The following USP4 variants were observed in gnomAD, a reference collection of about 807,000 sequenced individuals.
USP4 encodes the protein ubiquitin carboxyl-terminal hydrolase 4.
A neutral mutation model predicts 118.2 loss-of-function variants in USP4; 72 were observed. The observed-to-expected ratio is 0.61, with a 90% CI of 0.50 to 0.74. USP4 has a LOEUF of 0.74. USP4 is among the 30% of genes least tolerant of loss of function. The pLI, the probability that USP4 is intolerant of heterozygous loss-of-function variation, is 0.00. For synonymous variants in USP4, 415 were observed against 440.4 expected, an observed-to-expected ratio of 0.94 and a Z score of 0.72; for missense variants, 1,037 against 1,185.7, an observed-to-expected ratio of 0.87 and a Z score of 1.84.
At chr3:49,289,683 C>G (rs1038221560) in intron 15 of USP4, among the ~76,000 whole-genome samples, 16 of 151,526 alleles carry the variant, frequency 1.1e-4, no homozygotes, top group Non-Finnish European at 5.9e-5. Context: ...CCAGCCTGGC[C>G]AAGATGGTGA....
At position 49,302,325 on chromosome 3, in the gene USP4, C is replaced by T. The variant is rs563172425; in HGVS notation, c.1287+59G>A. On this transcript the variant is annotated intron_variant, in intron 10 of 21. Transcript: ENST00000265560. The stretch of plus-strand genomic sequence containing the variant: ...CAAAGACCAGAAGAATATCCCTGCA[C>T]TCTCAATAGGAGGCAGCTTCTTTGG... 13 of 1,579,776 alleles carry T rather than the reference C, an allele frequency of 8.2e-6. No individual in the cohort carries two copies. The South Asian group carries it at 1.4e-4, about 17-fold the overall frequency.
In USP4 at chr3:49,300,694, G is replaced by T. The variant is rs1207020404; in HGVS notation, c.1288-3C>A. ...TCCCAGGCTTCCTTTGCCACCACCT[G>T]CGTCAAAGGGATAAACAGGACATTC... On this transcript the variant is annotated splice_polypyrimidine_tract_variant and splice_region_variant and intron_variant, in intron 10 of 21. Transcript: ENST00000265560. 1 of 1,613,482 alleles carries T rather than the reference G, an allele frequency of 6.2e-7. No homozygotes were observed. The highest frequency in any genetic ancestry group is 1.3e-5 in the African/African-American group (1 of 74,856).
In USP4 at chr3:49,277,998, C is replaced by T. The variant is rs560894365; in HGVS notation, c.*295G>A. On this transcript the variant is annotated 3_prime_UTR_variant, in exon 22 of 22. Transcript: ENST00000265560. ...AGCGCCTGTGTTCCTCTCCATTCTT[C>T]GGGATCCATCAGACATACTCCATTG... The T allele has an allele frequency of 2.0e-3, 884 of 447,342 alleles. No individual in the cohort carries two copies. The highest frequency in any genetic ancestry group is 2.8e-3 in the Non-Finnish European group (708 of 256,384). 27.7% of individuals were successfully genotyped at this position (447,342 alleles called of 1,614,324 possible).
intron 1 of USP4, among the ~76,000 whole-genome samples, chr3:49,338,147 C>A (rs1347250839): frequency 6.6e-6 from 1 of 150,736 alleles, no homozygotes; most frequent in Non-Finnish European, 1.5e-5. Context: ...ATTGGTGCAT[C>A]CTTAAAATTT....
chr3:49,297,461 C>T (rs1357809960), intron 13 of USP4, among the ~76,000 whole-genome samples: 2 of 152,158 alleles, frequency 1.3e-5, no homozygotes, highest in Non-Finnish European at 2.9e-5. Context: ...TCATGGTACT[C>T]GCTGAGAAGC....
chr3:49,297,939 T>C lies in USP4; in HGVS notation c.1622A>G (p.His541Arg). The change falls in exon 13 of 22, where the codon CAC (histidine) becomes CGC (arginine). Residue 541 changes from histidine to arginine, a missense_variant. His to Arg is a conservative substitution (Grantham distance 29, BLOSUM62 0). Transcript: ENST00000265560. ...CATTTGGAAAATTTTGTGGAATCGG[T>C]GATTATACACATCTGCGACCACCAT... ...ENMVVADVYNHRFHKIFQMDE... is the reference protein window; with the variant it reads ...ENMVVADVYNRRFHKIFQMDE... 1 of 1,613,610 alleles carries C rather than the reference T, an allele frequency of 6.2e-7. No homozygotes were observed. The highest frequency in any genetic ancestry group is 8.5e-7 in the Non-Finnish European group (1 of 1,179,686).
Position 49,319,334 on chromosome 3 carries a change from C to T in USP4, c.695+5368G>A, listed in dbSNP as rs190279701. ...CGCGATCTCGGCTGACCGCAACCTC[C>T]GCCTCCCGGGTTCAAGAGATTCTCC... On this transcript the variant is annotated intron_variant, in intron 6 of 21. Coordinates refer to ENST00000265560, the MANE Select transcript of USP4 (RefSeq NM_003363.4). 1.4e-4 allele frequency among the ~76,000 whole-genome samples: 22 copies of T among 151,854 alleles called. No homozygotes were observed. The Middle Eastern group carries it at 0.017, about 117-fold the overall frequency.
At chr3:49,301,366 G>GC (rs2047261192) in intron 10 of USP4, among the ~76,000 whole-genome samples, 1 of 152,142 alleles carries the variant, frequency 6.6e-6, no homozygotes, top group African/African-American at 2.4e-5. Context: ...GGCAAGGAAA[G>GC]CCCCCCTATA....
chr3:49,302,346 T>C (rs1426125986), intron 10 of USP4, 38 bp downstream of exon 10: 2 of 1,602,740 alleles, frequency 1.2e-6, no homozygotes, highest in Admixed American at 3.4e-5. Flanking sequence ...AGGCAGCTTC[T>C]TTGGCATATT....
intron 3 of USP4, among the ~76,000 whole-genome samples, chr3:49,326,281 C>T (rs545184150): frequency 2.0e-5 from 3 of 152,152 alleles, no homozygotes; most frequent in East Asian, 3.9e-4. Context: ...CGCTCCACTG[C>T]ACTCCAGCCT....
At chr3:49,296,861 G>C (rs2047215022) in intron 13 of USP4, among the ~76,000 whole-genome samples, 1 of 152,262 alleles carries the variant, frequency 6.6e-6, no homozygotes, top group Non-Finnish European at 1.5e-5. Flanking sequence ...CTACTTTCTG[G>C]AATTTACAGA....
At chr3:49,338,177 A>AGGAG (rs2047692052) in intron 1 of USP4, among the ~76,000 whole-genome samples, 1 of 151,774 alleles carries the variant, frequency 6.6e-6, no homozygotes, top group Non-Finnish European at 1.5e-5. Context: ...CAAATGTGAG[A>AGGAG]GGAGGTCAGG....
intron 2 of USP4, among the ~76,000 whole-genome samples, chr3:49,328,863 GAAATAAAAAT>G (rs1389101054): frequency 6.8e-6 from 1 of 147,960 alleles, no homozygotes; most frequent in Admixed American, 6.7e-5. Context: ...TGTCTCAAAA[GAAATAAAAAT>G]AAATAAAAAT....
intron 6 of USP4, among the ~76,000 whole-genome samples, chr3:49,316,449 A>G (rs1421168339): frequency 1.3e-5 from 2 of 151,706 alleles, no homozygotes; most frequent in African/African-American, 4.8e-5. Flanking sequence ...CCTCCCGAGT[A>G]GCTGGAATTA....
chr3:49,309,673 C>A (rs373182287), intron 8 of USP4, among the ~76,000 whole-genome samples: 40 of 122,486 alleles, frequency 3.3e-4, no homozygotes, highest in Admixed American at 9.0e-4. Context: ...GTTGCCCAGG[C>A]TGGAATACAA....
intron 6 of USP4, among the ~76,000 whole-genome samples, chr3:49,313,520 C>T (rs1317274721): frequency 6.6e-6 from 1 of 151,634 alleles, no homozygotes; most frequent in African/African-American, 2.4e-5. Flanking sequence ...AAGAACAAAA[C>T]TCCATCTCAA....
At chr3:49,284,984 C>A in intron 16 of USP4, 65 bp from the exon 17 acceptor site, 2 of 1,343,872 alleles carry the variant, frequency 1.5e-6, no homozygotes, top group Non-Finnish European at 2.1e-6. Context: ...CTCCAAGTGA[C>A]AGGAGTGAGA....
intron 6 of USP4, among the ~76,000 whole-genome samples, chr3:49,318,963 G>A (rs1452810918): frequency 1.4e-5 from 2 of 147,872 alleles, no homozygotes; most frequent in African/African-American, 2.5e-5. Context: ...TCCATCCATG[G>A]AAACATTTAC....
At chr3:49,329,661 A>G (rs1486512080) in intron 2 of USP4, among the ~76,000 whole-genome samples, 2 of 152,080 alleles carry the variant, frequency 1.3e-5, no homozygotes, top group African/African-American at 4.8e-5. Flanking sequence ...TCAGCCTGCC[A>G]AAGTCCTGGG....
Sources: allele counts gnomAD v4.1 joint callset (sites outside exome capture counted in the v4.1 genomes callset), GRCh38; gene constraint gnomAD v4.1.1; transcripts MANE v1.5; gene names NCBI Gene and HGNC (gene_info 2026-07-23, HGNC 2026-07-21).